The following ENPEP variants were observed in gnomAD, a reference collection of about 807,000 sequenced individuals.
ENPEP encodes AP-A.
Under a neutral mutation model 114.5 loss-of-function variants are expected in ENPEP, and 103 were observed. That is an observed-to-expected ratio of 0.90 (90% CI 0.77 to 1.06). The LOEUF is 1.06. Ranked by LOEUF, ENPEP falls within the 50% of genes least tolerant of loss-of-function variation. The pLI is 0.00. For synonymous variants in ENPEP, 420 were observed against 422.0 expected (o/e 1.00, Z 0.06); for missense variants, 1,196 against 1,161.3 (o/e 1.03, Z -0.43).
intron 11 of ENPEP, among the ~76,000 whole-genome samples, chr4:110,538,553 C>T (rs1239065143): frequency 1.3e-5 from 2 of 152,190 alleles, no homozygotes; most frequent in African/African-American, 2.4e-5. Flanking sequence ...TTCTCCATAT[C>T]AGCAATACAG....
intron 8 of ENPEP, among the ~76,000 whole-genome samples, chr4:110,518,658 A>G (rs1189782319): frequency 6.6e-6 from 1 of 152,234 alleles, no homozygotes; most frequent in Non-Finnish European, 1.5e-5. Flanking sequence ...TGAAAACCAC[A>G]CACACTGATC....
chr4:110,559,435 G>A (rs960989178), intron 18 of ENPEP, among the ~76,000 whole-genome samples: 6 of 151,838 alleles, frequency 4.0e-5, no homozygotes, highest in African/African-American at 9.7e-5. Context: ...TCAGAGGGTC[G>A]TGTCAATTTG....
chr4:110,484,563 G>A (rs560392100), intron 1 of ENPEP, among the ~76,000 whole-genome samples: 8 of 151,860 alleles, frequency 5.3e-5, no homozygotes, highest in East Asian at 1.9e-4. Flanking sequence ...CAAACACACC[G>A]CACAGAGAAA....
chr4:110,543,045 A>G lies in ENPEP; in HGVS notation c.1975A>G (p.Ile659Val), dbSNP rs1393491944. 1.9e-6 allele frequency: 3 copies of G among 1,613,154 alleles called. No individual in the cohort carries two copies. The highest frequency in any genetic ancestry group is 1.7e-6 in the Non-Finnish European group (2 of 1,179,324). The change falls in exon 13 of 20, where the codon ATT becomes GTT. Residue 659 changes from isoleucine (I) to valine (V), a missense_variant. By Grantham distance (29) the Ile-to-Val change is conservative. Coordinates refer to ENST00000265162, the MANE Select transcript of ENPEP (RefSeq NM_001977.4). ...TFSSADRASL[I>V]DDAFALARAQ... Reference sequence around the variant, plus strand: ...TTCTTCAGCAGATCGTGCAAGTCTTATTGATGATGCTTTTGCCTTGGCAAG... The same window carrying G: ...TTCTTCAGCAGATCGTGCAAGTCTTGTTGATGATGCTTTTGCCTTGGCAAG...
chr4:110,501,840 T>G (rs1463570424), intron 3 of ENPEP, among the ~76,000 whole-genome samples: 1 of 152,230 alleles, frequency 6.6e-6, no homozygotes, highest in Non-Finnish European at 1.5e-5. Context: ...TAATTCTGCT[T>G]TAGTTCTTTG....
rs75262063 is a variant in ENPEP, at chr4:110,510,441, C to T, written c.1308+83C>T. On this transcript the variant is annotated intron_variant, in intron 6 of 19. Coordinates refer to ENST00000265162, the MANE Select transcript of ENPEP (RefSeq NM_001977.4). ...AGCCTTTGGACTATGATAATGGTCC[C>T]GAGTCAGATGGCAAGTACAGTGGTG... 1,487 of 1,156,982 alleles carry T rather than the reference C, an allele frequency of 1.3e-3. 13 individuals are homozygous for T. In the African/African-American group the frequency reaches 0.015, roughly 12 times the overall value. The allele number at this position is 1,156,982 out of a possible 1,614,324, so 71.7% of individuals were successfully genotyped here.
At chr4:110,558,360 T>C (rs1387862150) in intron 18 of ENPEP, among the ~76,000 whole-genome samples, 2 of 151,180 alleles carry the variant, frequency 1.3e-5, no homozygotes, top group East Asian at 3.9e-4. Flanking sequence ...CAATCTTGGT[T>C]CACTGCAGCC....
chr4:110,515,514 GT>G, intron 8 of ENPEP, 72 bp downstream of exon 8: 1 of 1,217,592 alleles, frequency 8.2e-7, no homozygotes, highest in East Asian at 2.3e-5. Flanking sequence ...GTTAAGATAT[GT>G]GATTAATCAA....
At chr4:110,553,219 G>C in intron 17 of ENPEP, 96 bp from the exon 18 acceptor site, 1 of 1,137,028 alleles carries the variant, frequency 8.8e-7, no homozygotes, top group Non-Finnish European at 1.2e-6. Context: ...CTCAAGAATT[G>C]AATTGCTGGC....
chr4:110,482,637 C>T (rs1035431483), intron 1 of ENPEP, among the ~76,000 whole-genome samples: 7 of 152,022 alleles, frequency 4.6e-5, no homozygotes, highest in South Asian at 2.1e-4. Flanking sequence ...AAATTTTTGT[C>T]GTATGTCAGT....
chr4:110,551,569 G>A lies in ENPEP; in HGVS notation c.2501+1683G>A, dbSNP rs1028265047. Among the ~76,000 whole-genome samples, 5 of 152,098 alleles carry A rather than the reference G, an allele frequency of 3.3e-5. No homozygotes were observed. In the South Asian group the frequency reaches 1.0e-3, roughly 31 times the overall value. ...CTTATTTGAAACATGTGATTGATATGTTGTATTTTCATAAAAGTAGATTTA... is the reference window on the plus strand; with the variant it reads ...CTTATTTGAAACATGTGATTGATATATTGTATTTTCATAAAAGTAGATTTA... On this transcript the variant is annotated intron_variant, in intron 17 of 19. Transcript: ENST00000265162.
At position 110,509,661 on chromosome 4, in the gene ENPEP, G is replaced by C; in HGVS notation, c.1048G>C (p.Ala350Pro). The C allele has an allele frequency of 5.0e-6, 8 of 1,611,500 alleles. No homozygotes were observed. Among genetic ancestry groups the C allele is most frequent in the Non-Finnish European group, 6.8e-6 (8 of 1,179,366 alleles). ...NYSLPKLDKI[A>P]IPDFGTGAME... is the part of the protein sequence containing the mutation. ...TCTTTCTTCTTCTATAGATAAAATC[G>C]CTATTCCAGATTTTGGCACTGGTGC... Residue 350 changes from alanine to proline, a missense_variant, in exon 5 of 20, where the codon GCT becomes CCT. Coordinates refer to ENST00000265162, the MANE Select transcript of ENPEP (RefSeq NM_001977.4).
chr4:110,478,172 T>C (rs796942073), intron 1 of ENPEP, among the ~76,000 whole-genome samples: 1 of 152,206 alleles, frequency 6.6e-6, no homozygotes, highest in Non-Finnish European at 1.5e-5. Context: ...AATTTTTTGG[T>C]CAAAATTCTT....
chr4:110,494,205 C>T (rs919890367), intron 3 of ENPEP, among the ~76,000 whole-genome samples: 7 of 152,154 alleles, frequency 4.6e-5, no homozygotes, highest in African/African-American at 1.7e-4. Context: ...CCGACCCATT[C>T]CTTCCAAAAC....
At chr4:110,530,122 A>G (rs1233473359) in intron 10 of ENPEP, among the ~76,000 whole-genome samples, 1 of 152,138 alleles carries the variant, frequency 6.6e-6, no homozygotes, top group Non-Finnish European at 1.5e-5. Context: ...ATAAGGAGGA[A>G]GCACTGACAG....
chr4:110,528,884 C>T (rs552729806), intron 10 of ENPEP, among the ~76,000 whole-genome samples: 4 of 152,144 alleles, frequency 2.6e-5, no homozygotes, highest in African/African-American at 7.2e-5. Context: ...GAATGTTAGC[C>T]AATATGTAGA....
chr4:110,494,689 G>A (rs1467893853), intron 3 of ENPEP, among the ~76,000 whole-genome samples: 1 of 152,172 alleles, frequency 6.6e-6, no homozygotes, highest in Non-Finnish European at 1.5e-5. Context: ...TGTCGCTCAT[G>A]AGAAAAATTA....
At chr4:110,559,521 C>T in intron 18 of ENPEP, 126 bp from the exon 19 acceptor site, 1 of 661,296 alleles carries the variant, frequency 1.5e-6, no homozygotes, top group East Asian at 2.8e-5. Flanking sequence ...GGTTTTCTTA[C>T]TGTGTTTTGC....
At chr4:110,546,669 A>G (rs1342359946) in intron 13 of ENPEP, among the ~76,000 whole-genome samples, 3 of 152,070 alleles carry the variant, frequency 2.0e-5, no homozygotes, top group African/African-American at 7.2e-5. Context: ...GACCTTAGAT[A>G]CAAACATTTT....
Sources: gnomAD v4.1 joint callset for allele counts (sites outside exome capture counted in the v4.1 genomes callset) on GRCh38, gnomAD v4.1.1 for gene constraint, MANE v1.5 for transcripts, NCBI Gene and HGNC (gene_info 2026-07-23, HGNC 2026-07-21) for gene names.